Variants in CCSER1 observed in about 807,000 individuals in gnomAD.
CCSER1 encodes serine-rich coiled-coil domain-containing protein 1.
In CCSER1, 41 loss-of-function variants were observed where a neutral mutation model predicts 82.0. The ratio of observed to expected loss-of-function variants is 0.50; its 90% CI spans 0.39 to 0.65. CCSER1 has a LOEUF of 0.65. Among genes scored for constraint, CCSER1 ranks in the 30% least tolerant of loss-of-function variants. CCSER1 has a pLI of 0.00. For missense variants in CCSER1, 1,119 were observed against 1,064.2 expected, an observed-to-expected ratio of 1.05 and a Z score of -0.72; for synonymous variants, 414 against 383.9, an observed-to-expected ratio of 1.08 and a Z score of -0.92.
chr4:91,158,131 G>C (rs1466404042), intron 10 of CCSER1, among the ~76,000 whole-genome samples: 1 of 151,990 alleles, frequency 6.6e-6, no homozygotes, highest in African/African-American at 2.4e-5. Context: ...CATGGCATCA[G>C]TATTGAATGC....
chr4:90,893,548 G>A (rs762122091), intron 8 of CCSER1, among the ~76,000 whole-genome samples: 2 of 152,070 alleles, frequency 1.3e-5, no homozygotes, highest in East Asian at 1.9e-4. Flanking sequence ...CTGTCCTTCC[G>A]ATGCTGTCTC....
chr4:90,489,768 G>A (rs981463395), intron 5 of CCSER1, among the ~76,000 whole-genome samples: 12 of 152,046 alleles, frequency 7.9e-5, no homozygotes, highest in Admixed American at 2.6e-4. Flanking sequence ...GAGAACATGC[G>A]GTGTTTGTTT....
At chr4:90,391,504 A>ATATATATATATATATATATAT (rs1751126399) in intron 3 of CCSER1, among the ~76,000 whole-genome samples, 2 of 79,422 alleles carry the variant, frequency 2.5e-5, no homozygotes, top group African/African-American at 4.9e-5. Flanking sequence ...ACAGTGGGTA[A>ATATATATATATATATATATAT]ATATATATAT....
At chr4:90,167,932 C>T (rs1387754219) in intron 1 of CCSER1, among the ~76,000 whole-genome samples, 1 of 152,118 alleles carries the variant, frequency 6.6e-6, no homozygotes, top group Non-Finnish European at 1.5e-5. Context: ...CCACGATAAA[C>T]ATACGTGTGC....
chr4:90,617,131 C>T (rs929920043), intron 5 of CCSER1, among the ~76,000 whole-genome samples: 1 of 152,082 alleles, frequency 6.6e-6, no homozygotes, highest in African/African-American at 2.4e-5. Context: ...TCTTTTCAGA[C>T]ATATGTTTCA....
At chr4:90,352,100 G>A (rs1187521653) in intron 3 of CCSER1, among the ~76,000 whole-genome samples, 1 of 152,030 alleles carries the variant, frequency 6.6e-6, no homozygotes, top group Admixed American at 6.6e-5. Flanking sequence ...CGAGCCGAGC[G>A]GATCACAAGG....
chr4:90,925,739 A>T (rs967812142), intron 9 of CCSER1, among the ~76,000 whole-genome samples: 1 of 152,212 alleles, frequency 6.6e-6, no homozygotes, highest in Non-Finnish European at 1.5e-5. Flanking sequence ...TCCTCATTAA[A>T]TCTTCAATGT....
intron 5 of CCSER1, among the ~76,000 whole-genome samples, chr4:90,558,245 C>G (rs1233602182): frequency 1.3e-5 from 2 of 152,046 alleles, no homozygotes; most frequent in African/African-American, 2.4e-5. Flanking sequence ...AAAAAGAAAA[C>G]AGACATTTGG....
intron 10 of CCSER1, among the ~76,000 whole-genome samples, chr4:91,508,871 G>A (rs1279647352): frequency 6.6e-6 from 1 of 151,328 alleles, no homozygotes; most frequent in Non-Finnish European, 1.5e-5. Context: ...ACCTAATATT[G>A]GTATATGGTG....
At chr4:91,283,856 T>A (rs1378192104) in intron 10 of CCSER1, among the ~76,000 whole-genome samples, 1 of 152,114 alleles carries the variant, frequency 6.6e-6, no homozygotes, top group African/African-American at 2.4e-5. Context: ...GGCAATTATG[T>A]GAGTCTCTTA....
At chr4:91,138,818 C>CA (rs1277767237) in intron 10 of CCSER1, among the ~76,000 whole-genome samples, 6 of 151,132 alleles carry the variant, frequency 4.0e-5, no homozygotes, top group African/African-American at 1.5e-4. Flanking sequence ...TTTATGCAGC[C>CA]AAAAAACACA....
At chr4:90,933,311 CT>C (rs1218443771) in intron 9 of CCSER1, among the ~76,000 whole-genome samples, 1 of 151,460 alleles carries the variant, frequency 6.6e-6, no homozygotes, top group Non-Finnish European at 1.5e-5. Flanking sequence ...CCTCAGCCTC[CT>C]GAGTAGCTGG....
chr4:91,517,146 GA>G (rs1760172408), intron 10 of CCSER1, among the ~76,000 whole-genome samples: 1 of 152,144 alleles, frequency 6.6e-6, no homozygotes, highest in African/African-American at 2.4e-5. Context: ...GTTGAAAAAT[GA>G]GATAGTTTGA....
chr4:90,893,612 A>G (rs1380045991), intron 8 of CCSER1, among the ~76,000 whole-genome samples: 1 of 152,018 alleles, frequency 6.6e-6, no homozygotes, highest in Non-Finnish European at 1.5e-5. Context: ...ACACAGAAAC[A>G]TTTAAAATAG....
chr4:90,359,645 G>C (rs535934237), intron 3 of CCSER1, among the ~76,000 whole-genome samples: 36 of 151,966 alleles, frequency 2.4e-4, no homozygotes, highest in African/African-American at 8.4e-4. Flanking sequence ...GGCTAAGGCA[G>C]AGAATTGCTT....
At chr4:90,203,668 G>A (rs888123036) in intron 1 of CCSER1, among the ~76,000 whole-genome samples, 15 of 152,152 alleles carry the variant, frequency 9.9e-5, no homozygotes, top group African/African-American at 3.4e-4. Flanking sequence ...GTGTGCATGT[G>A]TATGTATAGT....
At chr4:90,917,584 G>A (rs936677760) in intron 8 of CCSER1, among the ~76,000 whole-genome samples, 3 of 151,980 alleles carry the variant, frequency 2.0e-5, no homozygotes, top group African/African-American at 7.3e-5. Context: ...AATGGGTGCA[G>A]CACACCAACG....
chr4:90,599,980 T>C (rs930878355), intron 5 of CCSER1, among the ~76,000 whole-genome samples: 1 of 152,210 alleles, frequency 6.6e-6, no homozygotes, highest in Admixed American at 6.5e-5. Flanking sequence ...GTAGTTTTTG[T>C]TGTCTGGCAC....
chr4:90,412,831 C>G (rs1755100537), intron 4 of CCSER1, among the ~76,000 whole-genome samples: 2 of 152,148 alleles, frequency 1.3e-5, no homozygotes, highest in African/African-American at 4.8e-5. Context: ...AAAGCATTCT[C>G]CCTGAGAACT....
Sources: gnomAD v4.1 joint callset for allele counts (sites outside exome capture counted in the v4.1 genomes callset) on GRCh38, gnomAD v4.1.1 for gene constraint, MANE v1.5 for transcripts, NCBI Gene and HGNC (gene_info 2026-07-23, HGNC 2026-07-21) for gene names.